ZFAND6: variants seen among roughly 807,000 people sequenced by gnomAD.
ZFAND6 encodes zinc finger AN1-type containing 6, also known as AN1-type zinc finger protein 6.
A neutral mutation model predicts 24.5 loss-of-function variants in ZFAND6; 12 were observed. The ratio of observed to expected loss-of-function variants is 0.49; its 90% CI spans 0.31 to 0.79. The LOEUF is 0.79. Among genes scored for constraint, ZFAND6 ranks in the 30% least tolerant of loss-of-function variants. ZFAND6 has a pLI of 0.04. For missense variants in ZFAND6, 207 were observed against 245.9 expected, an observed-to-expected ratio of 0.84 and a Z score of 1.06; for synonymous variants, 92 against 81.5, an observed-to-expected ratio of 1.13 and a Z score of -0.69.
intron 6 of ZFAND6, 144 bp from the exon 7 acceptor site, chr15:80,137,336 A>G (rs778043195): frequency 2.2e-6 from 2 of 913,816 alleles, no homozygotes; most frequent in Non-Finnish European, 3.0e-6. Flanking sequence ...GTGAATAAGA[A>G]TGTAGTTTGT....
chr15:80,124,035 A>G (rs4594222), intron 5 of ZFAND6, among the ~76,000 whole-genome samples: 83,363 of 152,142 alleles, frequency 0.55, 25,026 homozygotes, highest in Non-Finnish European at 0.68. Flanking sequence ...TTCTAGTCCC[A>G]TCTAGCATAT....
chr15:80,104,231 A>G (rs1242032057), intron 2 of ZFAND6, among the ~76,000 whole-genome samples: 1 of 152,202 alleles, frequency 6.6e-6, no homozygotes, highest in African/African-American at 2.4e-5. Context: ...TTAGAACTAA[A>G]TAGCCAGAGG....
chr15:80,070,169 T>C (rs1422727380), intron 1 of ZFAND6, among the ~76,000 whole-genome samples: 1 of 152,222 alleles, frequency 6.6e-6, no homozygotes, highest in Non-Finnish European at 1.5e-5. Context: ...AGTCTAGATA[T>C]TGATTCTTTA....
At chr15:80,092,427 C>G (rs1185988661) in intron 1 of ZFAND6, among the ~76,000 whole-genome samples, 1 of 151,838 alleles carries the variant, frequency 6.6e-6, no homozygotes, top group Non-Finnish European at 1.5e-5. Flanking sequence ...CAGAGTGAGA[C>G]TCTGTCTCAA....
chr15:80,077,174 G>A (rs77927887), intron 1 of ZFAND6, among the ~76,000 whole-genome samples: 5,199 of 152,266 alleles, frequency 0.034, 283 homozygotes, highest in East Asian at 0.22. Flanking sequence ...TTAAATAACT[G>A]TTGGCTTGGA....
intron 2 of ZFAND6, among the ~76,000 whole-genome samples, chr15:80,111,066 C>A (rs916668908): frequency 6.6e-6 from 1 of 152,180 alleles, no homozygotes; most frequent in Non-Finnish European, 1.5e-5. Flanking sequence ...AATACAGATA[C>A]CCTTCAGATT....
intron 1 of ZFAND6, among the ~76,000 whole-genome samples, chr15:80,080,107 T>TC (rs969966719): frequency 2.0e-5 from 3 of 151,838 alleles, no homozygotes; most frequent in African/African-American, 7.3e-5. Context: ...CAAGCAGTTC[T>TC]CCCGTCTCAG....
intron 1 of ZFAND6, among the ~76,000 whole-genome samples, chr15:80,069,957 C>G (rs1279507140): frequency 1.3e-5 from 2 of 152,000 alleles, no homozygotes; most frequent in African/African-American, 4.8e-5. Context: ...AGAGTTTATC[C>G]TTAGTGATCC....
At chr15:80,121,615 A>T in intron 3 of ZFAND6, 97 bp from the exon 4 acceptor site, 1 of 976,828 alleles carries the variant, frequency 1.0e-6, no homozygotes, top group Non-Finnish European at 1.5e-6. Context: ...AAACCTCTAT[A>T]CTGTGTTCTG....
chr15:80,110,185 G>C (rs1352538467), intron 2 of ZFAND6, among the ~76,000 whole-genome samples: 1 of 152,122 alleles, frequency 6.6e-6, no homozygotes, highest in African/African-American at 2.4e-5. Context: ...GTATTCTGTT[G>C]ATCTCCCAGA....
chr15:80,133,198 TG>T (rs1567102958), intron 6 of ZFAND6, among the ~76,000 whole-genome samples: 4 of 95,374 alleles, frequency 4.2e-5, no homozygotes, highest in South Asian at 6.7e-4. Flanking sequence ...GTTTGTTTTT[TG>T]TTTTTTTTTT....
chr15:80,135,387 G>A (rs911845857), intron 6 of ZFAND6, among the ~76,000 whole-genome samples: 1 of 152,158 alleles, frequency 6.6e-6, no homozygotes, highest in Non-Finnish European at 1.5e-5. Flanking sequence ...TTGACTTGTA[G>A]AGGGGTCTGC....
At chr15:80,073,046 C>G (rs1206309128) in intron 1 of ZFAND6, among the ~76,000 whole-genome samples, 1 of 151,862 alleles carries the variant, frequency 6.6e-6, no homozygotes, top group African/African-American at 2.4e-5. Flanking sequence ...ATGTGATAGG[C>G]TTAAATACGT....
At chr15:80,118,122 T>C (rs746724024) in intron 2 of ZFAND6, among the ~76,000 whole-genome samples, 31 of 151,996 alleles carry the variant, frequency 2.0e-4, no homozygotes, top group Non-Finnish European at 4.4e-4. Flanking sequence ...CCATCACTTA[T>C]TTTATTTATT....
At chr15:80,108,681 A>G (rs1047058769) in intron 2 of ZFAND6, among the ~76,000 whole-genome samples, 1 of 152,134 alleles carries the variant, frequency 6.6e-6, no homozygotes, top group Non-Finnish European at 1.5e-5. Context: ...AGTAGGCTGA[A>G]TGGAAAAGAT....
In ZFAND6 at chr15:80,110,393, C is replaced by G. The variant is rs146936988; in HGVS notation, c.-17-9935C>G. Among the ~76,000 whole-genome samples the G allele has an allele frequency of 4.0e-3, 609 of 152,186 alleles. 4 individuals are homozygous for G. Among genetic ancestry groups the G allele is most frequent in the African/African-American group, 0.014 (592 of 41,510 alleles). Reference sequence around the variant, plus strand: ...ATATGCAAGACCTCATCACAGAACACTATAAAACATTATGAATCTAAAGGA... The same window carrying G: ...ATATGCAAGACCTCATCACAGAACAGTATAAAACATTATGAATCTAAAGGA... On this transcript the variant is annotated intron_variant, in intron 2 of 6. Transcript: ENST00000261749.
intron 2 of ZFAND6, among the ~76,000 whole-genome samples, chr15:80,109,653 C>T (rs570704983): frequency 2.0e-4 from 30 of 152,242 alleles, no homozygotes; most frequent in African/African-American, 7.0e-4. Flanking sequence ...TGTCTTTTAA[C>T]GCTTTGTAAG....
intron 2 of ZFAND6, among the ~76,000 whole-genome samples, chr15:80,110,593 A>T (rs2039557522): frequency 6.6e-6 from 1 of 151,932 alleles, no homozygotes; most frequent in Non-Finnish European, 1.5e-5. Flanking sequence ...GAGGAAGATT[A>T]AAACTGATAC....
At chr15:80,109,600 G>A (rs182057998) in intron 2 of ZFAND6, among the ~76,000 whole-genome samples, 26 of 152,268 alleles carry the variant, frequency 1.7e-4, no homozygotes, top group Non-Finnish European at 1.2e-4. Context: ...TCATGTAATG[G>A]GGGACCAGAT....
Sources: gnomAD v4.1 joint callset for allele counts (sites outside exome capture counted in the v4.1 genomes callset) on GRCh38, gnomAD v4.1.1 for gene constraint, MANE v1.5 for transcripts, NCBI Gene and HGNC (gene_info 2026-07-23, HGNC 2026-07-21) for gene names.